DCDC2: variants seen among roughly 807,000 people sequenced by gnomAD.
DCDC2 encodes the protein doublecortin domain-containing protein 2.
A neutral mutation model predicts 50.2 loss-of-function variants in DCDC2; 40 were observed. The ratio of observed to expected loss-of-function variants is 0.80; its 90% CI spans 0.62 to 1.04. The LOEUF (loss-of-function observed/expected upper bound fraction) is 1.04, where lower values mean the gene tolerates loss of function less well. DCDC2 is among the 50% of genes least tolerant of loss of function. The probability of loss-of-function intolerance (pLI) is 0.00; values close to 1 mark genes in which losing one functional copy is unlikely to be tolerated. For missense variants in DCDC2, 570 were observed against 581.9 expected (o/e 0.98, Z 0.21); for synonymous variants, 234 against 210.6 (o/e 1.11, Z -0.96).
At chr6:24,248,281 C>T (rs955555802) in intron 7 of DCDC2, among the ~76,000 whole-genome samples, 1 of 152,068 alleles carries the variant, frequency 6.6e-6, no homozygotes, top group Admixed American at 6.5e-5. Flanking sequence ...CGGTGCAGTG[C>T]GGGGGAGCAG....
chr6:24,301,814 G>C lies in DCDC2; in HGVS notation c.458C>G (p.Ala153Gly), dbSNP rs1759381127. The C allele has an allele frequency of 4.3e-6, 7 of 1,614,206 alleles. 1 individual carries two copies. The African/African-American group carries it at 5.3e-5, about 12-fold the overall frequency. ...TTTTCTGGGGATAAGGAGGCGAGAA[G>C]CTGGGTTTATGAGGTCTCCATTTGC... ...LIANGDLINP[A>G]SRLLIPRKTL... The change falls in exon 4 of 10, where the codon GCT (alanine) becomes GGT (glycine). Residue 153 changes from alanine (A) to glycine (G), a missense_variant. Ala to Gly is a moderately conservative substitution (Grantham distance 60). Coordinates refer to ENST00000378454, the MANE Select transcript of DCDC2 (RefSeq NM_016356.5).
In DCDC2 at chr6:24,288,935, CTGAA is replaced by C. The variant is rs1183542094; in HGVS notation, c.705-33_705-30del. 5 of 1,539,176 alleles carry C rather than the reference CTGAA, an allele frequency of 3.2e-6. No homozygotes were observed. The Admixed American group carries it at 5.6e-5, about 17-fold the overall frequency. Reference sequence around the variant, plus strand: ...TGGAAACAAATTGCAATTTAGAAATCTGAATGTTGTTTACAAATAATGTACAATG... The same window carrying C: ...TGGAAACAAATTGCAATTTAGAAATCTGTTGTTTACAAATAATGTACAATG... On this transcript the variant is annotated intron_variant, in intron 5 of 9. Transcript: ENST00000378454.
At chr6:24,224,570 G>A (rs1278701847) in intron 7 of DCDC2, among the ~76,000 whole-genome samples, 1 of 152,186 alleles carries the variant, frequency 6.6e-6, no homozygotes, top group Non-Finnish European at 1.5e-5. Context: ...GTGCACTGGT[G>A]CTCAAAACTC....
chr6:24,182,212 G>C lies in DCDC2; in HGVS notation c.1024-3580C>G, dbSNP rs986814260. 2.0e-5 allele frequency among the ~76,000 whole-genome samples: 3 copies of C among 152,254 alleles called. No individual in the cohort carries two copies. In the East Asian group the frequency reaches 5.8e-4, roughly 29 times the overall value. On this transcript the variant is annotated intron_variant, in intron 8 of 9. Transcript: ENST00000378454. ...AAAACCTAAAACTATATAACTCTTAGAGGAAAACATAAGGCAAAAGCTTTT... is the reference window on the plus strand; with the variant it reads ...AAAACCTAAAACTATATAACTCTTACAGGAAAACATAAGGCAAAAGCTTTT...
At chr6:24,332,758 T>A (rs1464139908) in intron 2 of DCDC2, among the ~76,000 whole-genome samples, 4 of 152,166 alleles carry the variant, frequency 2.6e-5, no homozygotes, top group Non-Finnish European at 4.4e-5. Context: ...GCCATTTTCA[T>A]ATATTAGGAA....
chr6:24,252,365 G>A (rs991229502), intron 7 of DCDC2, among the ~76,000 whole-genome samples: 3 of 152,134 alleles, frequency 2.0e-5, no homozygotes, highest in Admixed American at 6.6e-5. Context: ...CCCACAACAT[G>A]TGCTAATGAA....
chr6:24,268,674 C>A (rs1439942004), intron 7 of DCDC2, among the ~76,000 whole-genome samples: 1 of 151,994 alleles, frequency 6.6e-6, no homozygotes, highest in African/African-American at 2.4e-5. Flanking sequence ...TGGGTTCAAG[C>A]AATTCTCATG....
chr6:24,196,220 T>A (rs1435174993), intron 8 of DCDC2, among the ~76,000 whole-genome samples: 3 of 92,546 alleles, frequency 3.2e-5, no homozygotes, highest in Non-Finnish European at 7.5e-5. Context: ...GGTTAATAAT[T>A]GGCTTTTTTT....
At chr6:24,362,618 C>T (rs1317837478), upstream of DCDC2, among the ~76,000 whole-genome samples, 1 of 151,878 alleles carries the variant, frequency 6.6e-6, no homozygotes, top group Non-Finnish European at 1.5e-5. Context: ...TTAACAGTTG[C>T]CTCACACGCC....
At chr6:24,282,699 T>C (rs972287902) in intron 6 of DCDC2, among the ~76,000 whole-genome samples, 9 of 144,022 alleles carry the variant, frequency 6.2e-5, no homozygotes, top group Non-Finnish European at 1.2e-4. Flanking sequence ...AATAATTTCG[T>C]GAGAGGTTTG....
At chr6:24,216,987 G>C (rs1761996148) in intron 7 of DCDC2, among the ~76,000 whole-genome samples, 1 of 152,158 alleles carries the variant, frequency 6.6e-6, no homozygotes, top group South Asian at 2.1e-4. Flanking sequence ...GAAACCTGCA[G>C]AGCAGCACAC....
intron 2 of DCDC2, among the ~76,000 whole-genome samples, chr6:24,304,616 G>A (rs1337403457): frequency 6.6e-6 from 1 of 152,184 alleles, no homozygotes; most frequent in East Asian, 1.9e-4. Context: ...GCTGCAACCA[G>A]AGTTAGAAAT....
chr6:24,193,743 T>C (rs946325859), intron 8 of DCDC2, among the ~76,000 whole-genome samples: 3 of 152,146 alleles, frequency 2.0e-5, no homozygotes, highest in East Asian at 3.8e-4. Context: ...GAAAGGTATC[T>C]GTATGTGTTT....
intron 7 of DCDC2, among the ~76,000 whole-genome samples, chr6:24,237,425 C>T (rs907421544): frequency 6.6e-6 from 1 of 151,956 alleles, no homozygotes; most frequent in East Asian, 1.9e-4. Context: ...AAATAACACA[C>T]GTTGTGAGGT....
chr6:24,370,899 A>G, the DCDC2 span, among the ~76,000 whole-genome samples: 1 of 152,204 alleles, frequency 6.6e-6, no homozygotes, highest in Non-Finnish European at 1.5e-5. Context: ...AATCCATGCC[A>G]TGGAATATTA....
the DCDC2 span, among the ~76,000 whole-genome samples, chr6:24,365,327 C>T: frequency 1.3e-5 from 2 of 152,186 alleles, no homozygotes; most frequent in Non-Finnish European, 2.9e-5. Context: ...GAGATTTGCT[C>T]GTCACCCAGG....
At chr6:24,273,651 G>C (rs1763288441) in intron 7 of DCDC2, among the ~76,000 whole-genome samples, 2 of 152,184 alleles carry the variant, frequency 1.3e-5, no homozygotes, top group South Asian at 4.1e-4. Context: ...TTCCGGTTTT[G>C]TCTTCAGAGT....
Position 24,315,901 on chromosome 6 carries a change from A to G in DCDC2, c.349-13857T>C, listed in dbSNP as rs74482401. The stretch of plus-strand genomic sequence containing the variant: ...AAAAAGGAGGCTGGTGAGTTATCCA[A>G]GTCAGAGATGGTGGTAGCTTTTCCT... On this transcript the variant is annotated intron_variant, in intron 2 of 9. Coordinates refer to ENST00000378454, the MANE Select transcript of DCDC2 (RefSeq NM_016356.5). Among the ~76,000 whole-genome samples, 310 of 152,330 alleles carry G rather than the reference A, an allele frequency of 2.0e-3. 1 individual carries two copies. Among genetic ancestry groups the G allele is most frequent in the African/African-American group, 6.8e-3 (282 of 41,584 alleles).
At chr6:24,320,376 G>A (rs969689178) in intron 2 of DCDC2, among the ~76,000 whole-genome samples, 1 of 152,188 alleles carries the variant, frequency 6.6e-6, no homozygotes, top group African/African-American at 2.4e-5. Context: ...CTGTCGCCCA[G>A]GCTGGAATGC....
Sources: allele counts gnomAD v4.1 joint callset (sites outside exome capture counted in the v4.1 genomes callset), GRCh38; gene constraint gnomAD v4.1.1; transcripts MANE v1.5; gene names NCBI Gene and HGNC (gene_info 2026-07-23, HGNC 2026-07-21).